The following CCDC80 variants were observed in gnomAD, a reference collection of about 807,000 sequenced individuals.
CCDC80 encodes the protein coiled-coil domain-containing protein 80.
A neutral mutation model predicts 78.7 loss-of-function variants in CCDC80; 49 were observed. That is an observed-to-expected ratio of 0.62 (90% confidence interval 0.50 to 0.79). The LOEUF is 0.79. Among genes scored for constraint, CCDC80 ranks in the 30% least tolerant of loss-of-function variants. The pLI is 0.00. For synonymous variants in CCDC80, 488 were observed against 447.0 expected, an observed-to-expected ratio of 1.09 and a Z score of -1.16; for missense variants, 1,205 against 1,198.6, an observed-to-expected ratio of 1.01 and a Z score of -0.08.
rs1413607725 is a variant in CCDC80, at chr3:112,603,767, C to T, written c.*1650G>A. 6.6e-6 allele frequency: 1 copy of T among 151,978 alleles called. No homozygotes were observed. Among genetic ancestry groups the T allele is most frequent in the Non-Finnish European group, 1.5e-5 (1 of 68,026 alleles). The allele number at this position is 151,978 out of a possible 1,614,324, so 9.4% of individuals were successfully genotyped here. A position where few individuals can be genotyped will look rare whatever the true frequency, so the allele number is the denominator to read the frequency against. ...GCACTTTTCGTAAGACTATAACTGT[C>T]ACAGATTGTGATCCCGCTAATGGAT... On this transcript the variant is annotated 3_prime_UTR_variant, in exon 8 of 8. Coordinates refer to ENST00000206423, the MANE Select transcript of CCDC80 (RefSeq NM_199511.3).
intron 2 of CCDC80, among the ~76,000 whole-genome samples, chr3:112,635,175 A>G (rs1936179992): frequency 3.3e-5 from 5 of 152,238 alleles, no homozygotes. Flanking sequence ...AGTAGCAGTT[A>G]TGTGATACGT....
chr3:112,607,134 C>T (rs1476698265), intron 7 of CCDC80, 42 bp downstream of exon 7: 6 of 1,445,652 alleles, frequency 4.2e-6, no homozygotes, highest in Non-Finnish European at 5.8e-6. Flanking sequence ...TTTAACTGAA[C>T]TTAACACTAG....
chr3:112,634,972 C>G (rs1559881555), intron 2 of CCDC80, among the ~76,000 whole-genome samples: 1 of 152,154 alleles, frequency 6.6e-6, no homozygotes, highest in African/African-American at 2.4e-5. Context: ...GAGAATTAAA[C>G]CACACAGTCT....
intron 5 of CCDC80, among the ~76,000 whole-genome samples, chr3:112,610,922 T>C (rs1353687613): frequency 6.8e-6 from 1 of 146,442 alleles, no homozygotes; most frequent in Non-Finnish European, 1.5e-5. Context: ...TTTCTTTTTT[T>C]TTTTTTTTTT....
intron 6 of CCDC80, among the ~76,000 whole-genome samples, chr3:112,608,517 C>T (rs564587873): frequency 6.6e-6 from 1 of 152,248 alleles, no homozygotes; most frequent in East Asian, 1.9e-4. Flanking sequence ...AAAGAGTTTG[C>T]TTTCACAATG....
intron 4 of CCDC80, among the ~76,000 whole-genome samples, chr3:112,617,454 T>G (rs1186453753): frequency 6.6e-6 from 1 of 152,208 alleles, no homozygotes; most frequent in Non-Finnish European, 1.5e-5. Context: ...TGAGATGGAT[T>G]TAGGGGCTGG....
chr3:112,618,406 A>G (rs1008191073), intron 4 of CCDC80, among the ~76,000 whole-genome samples: 1 of 152,136 alleles, frequency 6.6e-6, no homozygotes, highest in African/African-American at 2.4e-5. Context: ...TGCTTACTGT[A>G]GTCCCAGCTA....
At position 112,603,163 on chromosome 3, in the gene CCDC80, T is replaced by C. The variant is rs562786219; in HGVS notation, c.*2254A>G. On this transcript the variant is annotated 3_prime_UTR_variant, in exon 8 of 8. Transcript: ENST00000206423. ...AATGACAGCATGTCTATGGACAGCA[T>C]GGTTTACTGGACATTTTAAGCTCAC... 60 of 152,296 alleles carry C rather than the reference T, an allele frequency of 3.9e-4. 1 individual carries two copies. The highest frequency in any genetic ancestry group is 1.4e-3 in the African/African-American group (57 of 41,554). 9.4% of individuals were successfully genotyped at this position (152,296 alleles called of 1,614,324 possible). A position where few individuals can be genotyped will look rare whatever the true frequency, so the allele number is the denominator to read the frequency against.
Position 112,616,748 on chromosome 3 carries a change from T to C in CCDC80, c.2283A>G (p.Lys761=). ...EKQKKEGIVC[K]EDKKQSLENF... The stretch of plus-strand genomic sequence containing the variant: ...TCTCCAGGGACTGCTTTTTGTCCTC[T>C]TTGCAAACAATGCCCTCCTTCTTCT... The change falls in exon 5 of 8, where the codon AAA becomes AAG. Residue 761 remains lysine, a synonymous_variant. Transcript: ENST00000206423. The C allele has an allele frequency of 6.2e-7, 1 of 1,614,222 alleles. No individual in the cohort carries two copies. Among genetic ancestry groups the C allele is most frequent in the Non-Finnish European group, 8.5e-7 (1 of 1,180,022 alleles).
At chr3:112,605,877 C>G in intron 7 of CCDC80, 114 bp from the exon 8 acceptor site, 1 of 832,602 alleles carries the variant, frequency 1.2e-6, no homozygotes, top group Non-Finnish European at 1.8e-6. Flanking sequence ...AGCCTCTTCT[C>G]TTTAGTTCAA....
chr3:112,623,727 C>T (rs571479510), intron 3 of CCDC80, among the ~76,000 whole-genome samples: 18 of 152,192 alleles, frequency 1.2e-4, no homozygotes, highest in African/African-American at 4.1e-4. Flanking sequence ...GCAGTATAAA[C>T]TTATCTATTA....
chr3:112,635,188 ACAT>A (rs1368575761), intron 2 of CCDC80, among the ~76,000 whole-genome samples: 1 of 152,212 alleles, frequency 6.6e-6, no homozygotes, highest in Non-Finnish European at 1.5e-5. Flanking sequence ...TGATACGTCC[ACAT>A]CTAAAGAATG....
intron 2 of CCDC80, among the ~76,000 whole-genome samples, chr3:112,632,417 AGCT>A (rs1324413515): frequency 2.0e-5 from 3 of 152,196 alleles, no homozygotes; most frequent in African/African-American, 7.2e-5. Context: ...TCTAGGGCAA[AGCT>A]GCTTAGATGT....
chr3:112,627,435 A>G (rs1339317729), intron 3 of CCDC80, among the ~76,000 whole-genome samples: 1 of 152,218 alleles, frequency 6.6e-6, no homozygotes, highest in Non-Finnish European at 1.5e-5. Context: ...TAGGTTCATC[A>G]GTGATGTCCA....
chr3:112,636,071 T>C (rs1247769044), intron 2 of CCDC80, among the ~76,000 whole-genome samples: 2 of 152,198 alleles, frequency 1.3e-5, no homozygotes, highest in Admixed American at 6.5e-5. Context: ...AACCTGACCA[T>C]GAGGAACATT....
At chr3:112,613,405 T>C (rs1007791647) in intron 5 of CCDC80, among the ~76,000 whole-genome samples, 3 of 152,132 alleles carry the variant, frequency 2.0e-5, no homozygotes, top group African/African-American at 7.2e-5. Context: ...TAAGAGCCCA[T>C]AAAACTCTTA....
In CCDC80 at chr3:112,609,980, A is replaced by G; in HGVS notation, c.2423T>C (p.Phe808Ser). The change falls in exon 6 of 8, where the codon TTT becomes TCT. Residue 808 changes from phenylalanine to serine, a missense_variant and splice_region_variant. Transcript: ENST00000206423. ...LSALSGQACN[F>S]GLRHITILKL... The stretch of plus-strand genomic sequence containing the variant: ...TAATGAGGTGGCTTCCCACTCACCA[A>G]AATTGCACGCCTGACCACTGAGGGC... 6.2e-7 allele frequency: 1 copy of G among 1,611,836 alleles called. No individual in the cohort carries two copies. Among genetic ancestry groups the G allele is most frequent in the Non-Finnish European group, 8.5e-7 (1 of 1,178,958 alleles).
chr3:112,609,198 T>C (rs942998283), intron 6 of CCDC80, among the ~76,000 whole-genome samples: 2 of 152,216 alleles, frequency 1.3e-5, no homozygotes, highest in African/African-American at 4.8e-5. Context: ...GTCATCTCCT[T>C]GATTTATCAT....
At chr3:112,615,972 C>T (rs1218739798) in intron 5 of CCDC80, among the ~76,000 whole-genome samples, 2 of 152,208 alleles carry the variant, frequency 1.3e-5, no homozygotes, top group South Asian at 4.1e-4. Context: ...TCTTCTATTC[C>T]TTTACTTTCT....
Sources: allele counts gnomAD v4.1 joint callset (sites outside exome capture counted in the v4.1 genomes callset), GRCh38; gene constraint gnomAD v4.1.1; transcripts MANE v1.5; gene names NCBI Gene and HGNC (gene_info 2026-07-23, HGNC 2026-07-21).